Variants in SKOR1 observed in about 807,000 individuals in gnomAD.
SKOR1 encodes the protein LBX1 corepressor 1.
In SKOR1, 38 loss-of-function variants were observed where a neutral mutation model predicts 72.4. The observed-to-expected ratio is 0.52, with a 90% CI of 0.40 to 0.69. The LOEUF is 0.69. Among genes scored for constraint, SKOR1 ranks in the 30% least tolerant of loss-of-function variants. SKOR1 has a pLI of 0.00. For synonymous variants in SKOR1, 642 were observed against 599.4 expected, an observed-to-expected ratio of 1.07 and a Z score of -1.04; for missense variants, 1,320 against 1,343.2, an observed-to-expected ratio of 0.98 and a Z score of 0.27.
At chr15:67,829,622 G>A (rs932814032) in intron 3 of SKOR1, among the ~76,000 whole-genome samples, 43 of 152,236 alleles carry the variant, frequency 2.8e-4, no homozygotes, top group African/African-American at 9.9e-4. Flanking sequence ...AGGCCGGATC[G>A]GGGCGGAGGA....
At chr15:67,830,571 G>T (rs117343090) in intron 4 of SKOR1, among the ~76,000 whole-genome samples, 1,750 of 152,276 alleles carry the variant, frequency 0.011, 16 homozygotes, top group Non-Finnish European at 0.016. Flanking sequence ...ACATAAAATA[G>T]GTCAAAGGGC....
Position 67,833,204 on chromosome 15 carries a change from A to C in SKOR1, c.2750A>C (p.Asn917Thr), listed in dbSNP as rs756557010. 2.5e-6 allele frequency: 4 copies of C among 1,614,092 alleles called. No homozygotes were observed. Among genetic ancestry groups the C allele is most frequent in the Non-Finnish European group, 3.4e-6 (4 of 1,180,010 alleles). Residue 917 changes from asparagine to threonine, a missense_variant, in exon 8 of 9, where the codon AAC becomes ACC. By Grantham distance (65) the Asn-to-Thr change is moderately conservative. Transcript: ENST00000380035. The surrounding 1 kb of genome is among the most constrained non-coding windows in gnomAD (Gnocchi z 6.0). ...CCTTGTCTTCCAGATACCCTGTGTA[A>C]CGAACTCGACCAGGAGCGGAAGGCG... is the stretch of plus-strand genomic sequence containing the variant. Reference protein sequence around the residue: ...QLQIVRDTLCNELDQERKARY... With the variant: ...QLQIVRDTLCTELDQERKARY...
At chr15:67,829,581 AGT>A (rs917873310) in intron 3 of SKOR1, among the ~76,000 whole-genome samples, 1 of 151,882 alleles carries the variant, frequency 6.6e-6, no homozygotes, top group Non-Finnish European at 1.5e-5. Context: ...TTATTCAGCA[AGT>A]GTGTTTGGCC....
At position 67,825,762 on chromosome 15, in the gene SKOR1, G is replaced by C. The variant is rs561849669; in HGVS notation, c.107+53G>C. 131 of 1,210,384 alleles carry C rather than the reference G, an allele frequency of 1.1e-4. No individual in the cohort carries two copies. The South Asian group carries it at 1.6e-3, about 15-fold the overall frequency. The allele number at this position is 1,210,384 out of a possible 1,614,324, so 75.0% of individuals were successfully genotyped here. A position where few individuals can be genotyped will look rare whatever the true frequency, so the allele number is the denominator to read the frequency against. On this transcript the variant is annotated intron_variant, in intron 1 of 8. Transcript: ENST00000380035. The surrounding 1 kb of genome is among the most constrained non-coding windows in gnomAD (Gnocchi z 5.6). ...AGCCCCGGGGGCTGTTGTTAACGGC[G>C]CCAACATGGGTCTGAGTAACAAAAG...
chr15:67,832,689 G>A lies in SKOR1; in HGVS notation c.2737+8G>A, dbSNP rs749934335. 10 of 1,613,432 alleles carry A rather than the reference G, an allele frequency of 6.2e-6. No individual in the cohort carries two copies. In the South Asian group the frequency reaches 7.7e-5, roughly 12 times the overall value. Reference sequence around the variant, plus strand: ...AGCTGCAAATTGTCAGAGGTAAGACGGGAGTCAGGTGAGCTCGTGCACGGG... The same window carrying A: ...AGCTGCAAATTGTCAGAGGTAAGACAGGAGTCAGGTGAGCTCGTGCACGGG... On this transcript the variant is annotated splice_region_variant and intron_variant, in intron 7 of 8. Coordinates refer to ENST00000380035, the MANE Select transcript of SKOR1 (RefSeq NM_001365915.1). This position sits in a 1 kb window ranked among gnomAD's most constrained non-coding sequence, Gnocchi z 4.5.
Position 67,826,114 on chromosome 15 carries a change from G to A in SKOR1, c.286G>A (p.Glu96Lys). 6.2e-7 allele frequency: 1 copy of A among 1,600,450 alleles called. No individual in the cohort carries two copies. The highest frequency in any genetic ancestry group is 8.5e-7 in the Non-Finnish European group (1 of 1,170,556). ...TGTGTCGCTGGTCATCGACGGCCAG[G>A]AGCGCCTATGCCTGGCGCAGATCTC... ...PIVSLVIDGQ[E>K]RLCLAQISNT... is the part of the protein sequence containing the mutation. Residue 96 changes from glutamate (E) to lysine (K), a missense_variant, in exon 2 of 9, where the codon GAG becomes AAG. Transcript: ENST00000380035.
Position 67,826,912 on chromosome 15 carries a change from G to T in SKOR1, c.1084G>T (p.Gly362Trp). Residue 362 changes from glycine (G) to tryptophan (W), a missense_variant, in exon 2 of 9, where the codon GGG becomes TGG. Physicochemically the swap from Gly to Trp is radical, Grantham distance 184 (BLOSUM62 -2). Transcript: ENST00000380035. ...TGASGPAGPG[G>W]PGGGAGVRSY... ...AGCTAGTGGCCCGGCGGGCCCAGGA[G>T]GGCCCGGTGGCGGCGCCGGCGTACG... is the stretch of plus-strand genomic sequence containing the variant. The T allele has an allele frequency of 6.4e-7, 1 of 1,558,138 alleles. No individual in the cohort carries two copies. The highest frequency in any genetic ancestry group is 8.6e-7 in the Non-Finnish European group (1 of 1,158,932).
At position 67,826,999 on chromosome 15, in the gene SKOR1, C is replaced by G. The variant is rs779534367; in HGVS notation, c.1171C>G (p.Pro391Ala). The G allele has an allele frequency of 6.3e-7, 1 of 1,595,600 alleles. No homozygotes were observed. The highest frequency in any genetic ancestry group is 8.5e-7 in the Non-Finnish European group (1 of 1,178,496). ...TGGGCTCCTGCAAAAGCTGCCCCCA[C>G]CACTTTTCCCCCATCCTTACGGCTT... is the stretch of plus-strand genomic sequence containing the variant. ...GFGLLQKLPP[P>A]LFPHPYGFPT... is the part of the protein sequence containing the mutation. The change falls in exon 2 of 9, where the codon CCA (proline) becomes GCA (alanine). Residue 391 changes from proline (P) to alanine (A), a missense_variant. This residue lies in a region of SKOR1 where 1,099 missense variants were observed against 1,025.5 expected (regional missense o/e 1.07). Transcript: ENST00000380035.
chr15:67,826,716 G>C lies in SKOR1; in HGVS notation c.888G>C (p.Gly296=), dbSNP rs1418932096. 3.9e-6 allele frequency: 6 copies of C among 1,542,010 alleles called. No individual in the cohort carries two copies. In the East Asian group the frequency reaches 1.5e-4, roughly 38 times the overall value. Residue 296 remains glycine, a synonymous_variant, in exon 2 of 9, where the codon GGG becomes GGC. Coordinates refer to ENST00000380035, the MANE Select transcript of SKOR1 (RefSeq NM_001365915.1). ...GGGGANGGSG[G]QGKGGAGGGG... ...GCGGTGCCAATGGCGGGTCGGGTGG[G>C]CAGGGGAAGGGTGGTGCTGGCGGCG...
Position 67,832,508 on chromosome 15 carries a change from G to T in SKOR1, c.2663-99G>T, listed in dbSNP as rs1597020373. On this transcript the variant is annotated intron_variant, in intron 6 of 8. Coordinates refer to ENST00000380035, the MANE Select transcript of SKOR1 (RefSeq NM_001365915.1). The surrounding 1 kb of genome is among the most constrained non-coding windows in gnomAD (Gnocchi z 4.5). ...AGGGCTGCAGGCGAATGGCTGGGTG[G>T]GAGTTGGGGGTAGGGGTGAAAGGGG... is the stretch of plus-strand genomic sequence containing the variant. The T allele has an allele frequency of 1.5e-5, 20 of 1,319,172 alleles. No individual in the cohort carries two copies. Among genetic ancestry groups the T allele is most frequent in the Non-Finnish European group, 2.2e-5 (20 of 928,742 alleles). The allele number at this position is 1,319,172 out of a possible 1,614,324, so 81.7% of individuals were successfully genotyped here. A position where few individuals can be genotyped will look rare whatever the true frequency, so the allele number is the denominator to read the frequency against.
intron 3 of SKOR1, among the ~76,000 whole-genome samples, chr15:67,829,576 C>A (rs992180013): frequency 6.6e-6 from 1 of 152,258 alleles, no homozygotes; most frequent in Non-Finnish European, 1.5e-5. Context: ...CTCATTTATT[C>A]AGCAAGTGTG....
In SKOR1 at chr15:67,833,018, C is replaced by A; in HGVS notation, c.2738-174C>A. The A allele has an allele frequency of 1.5e-6, 1 of 670,014 alleles. No individual in the cohort carries two copies. The highest frequency in any genetic ancestry group is 2.6e-6 in the Non-Finnish European group (1 of 387,690). The allele number at this position is 670,014 out of a possible 1,614,324, so 41.5% of individuals were successfully genotyped here. A position where few individuals can be genotyped will look rare whatever the true frequency, so the allele number is the denominator to read the frequency against. On this transcript the variant is annotated intron_variant, in intron 7 of 8. Coordinates refer to ENST00000380035, the MANE Select transcript of SKOR1 (RefSeq NM_001365915.1). The surrounding 1 kb of genome is among the most constrained non-coding windows in gnomAD (Gnocchi z 6.0). ...ATCTGCCTTTAAGCGCCATCCCAGG[C>A]CATTTCCTTCCTCCGCCAGTCTGCA...
rs756929563 is a variant in SKOR1 at position 67,826,613 on chromosome 15, A to T, written c.785A>T (p.His262Leu). Residue 262 changes from histidine to leucine, a missense_variant, in exon 2 of 9, where the codon CAT becomes CTT. Transcript: ENST00000380035. ...SDKSATDELS[H>L]AWEDVKAMFN... is the part of the protein sequence containing the mutation. ...AAGTCGGCCACAGACGAACTGAGCC[A>T]TGCTTGGGAGGACGTCAAGGCCATG... The T allele has an allele frequency of 6.2e-6, 10 of 1,613,598 alleles. No homozygotes were observed. The highest frequency in any genetic ancestry group is 1.7e-5 in the Admixed American group (1 of 59,964).
chr15:67,832,417 C>G lies in SKOR1; in HGVS notation c.2662+69C>G. The G allele has an allele frequency of 3.2e-6, 5 of 1,557,430 alleles. No homozygotes were observed. The highest frequency in any genetic ancestry group is 4.4e-6 in the Non-Finnish European group (5 of 1,132,144). On this transcript the variant is annotated intron_variant, in intron 6 of 8. Transcript: ENST00000380035. This position sits in a 1 kb window ranked among gnomAD's most constrained non-coding sequence, Gnocchi z 4.5. ...TTCCACCAGGGTGCCCCGACCTACT[C>G]CGAAAGCCGGGTGCCAGGCAACTGG...
chr15:67,832,517 G>T lies in SKOR1; in HGVS notation c.2663-90G>T. 2 of 1,355,832 alleles carry T rather than the reference G, an allele frequency of 1.5e-6. No homozygotes were observed. 84.0% of individuals were successfully genotyped at this position (1,355,832 alleles called of 1,614,324 possible). A position where few individuals can be genotyped will look rare whatever the true frequency, so the allele number is the denominator to read the frequency against. ...GGCGAATGGCTGGGTGGGAGTTGGGGGTAGGGGTGAAAGGGGGGGCCAGGA... is the reference window on the plus strand; with the variant it reads ...GGCGAATGGCTGGGTGGGAGTTGGGTGTAGGGGTGAAAGGGGGGGCCAGGA... On this transcript the variant is annotated intron_variant, in intron 6 of 8. Coordinates refer to ENST00000380035, the MANE Select transcript of SKOR1 (RefSeq NM_001365915.1). This position sits in a 1 kb window ranked among gnomAD's most constrained non-coding sequence, Gnocchi z 4.5.
chr15:67,832,526 G>T lies in SKOR1; in HGVS notation c.2663-81G>T. The T allele has an allele frequency of 7.0e-7, 1 of 1,419,458 alleles. No individual in the cohort carries two copies. The allele number at this position is 1,419,458 out of a possible 1,614,324, so 87.9% of individuals were successfully genotyped here. On this transcript the variant is annotated intron_variant, in intron 6 of 8. Transcript: ENST00000380035. The surrounding 1 kb of genome is among the most constrained non-coding windows in gnomAD (Gnocchi z 4.5). The stretch of plus-strand genomic sequence containing the variant: ...CTGGGTGGGAGTTGGGGGTAGGGGT[G>T]AAAGGGGGGGCCAGGAGTGAGAAAG...
Position 67,832,659 on chromosome 15 carries a change from G to A in SKOR1, c.2715G>A (p.Val905=), listed in dbSNP as rs753422990. The A allele has an allele frequency of 1.9e-6, 3 of 1,614,074 alleles. 1 individual carries two copies. The South Asian group carries it at 3.3e-5, about 18-fold the overall frequency. Residue 905 remains valine, a synonymous_variant, in exon 7 of 9, where the codon GTG becomes GTA. Coordinates refer to ENST00000380035, the MANE Select transcript of SKOR1 (RefSeq NM_001365915.1). This position sits in a 1 kb window ranked among gnomAD's most constrained non-coding sequence, Gnocchi z 4.5. ...AATTGGCTTATCGAGAAGAAATGGTGCAACAGCTGCAAATTGTCAGAGGTA... is the reference window on the plus strand; with the variant it reads ...AATTGGCTTATCGAGAAGAAATGGTACAACAGCTGCAAATTGTCAGAGGTA... ...KRELAYREEM[V]QQLQIVRDTL...
At position 67,832,263 on chromosome 15, in the gene SKOR1, C is replaced by T. The variant is rs200661147; in HGVS notation, c.2588-11C>T. ...CCTCCCACTTTACCTCCCACTTTTC[C>T]CCTTTCACAGAGGAATTGCAAAAAC... On this transcript the variant is annotated splice_polypyrimidine_tract_variant and intron_variant, in intron 5 of 8. Transcript: ENST00000380035. This position sits in a 1 kb window ranked among gnomAD's most constrained non-coding sequence, Gnocchi z 4.5. The T allele has an allele frequency of 1.2e-6, 2 of 1,613,906 alleles. No individual in the cohort carries two copies. The highest frequency in any genetic ancestry group is 3.3e-5 in the Admixed American group (2 of 60,014).
At chr15:67,831,422 C>T (rs1370031670) in intron 5 of SKOR1, among the ~76,000 whole-genome samples, 1 of 152,156 alleles carries the variant, frequency 6.6e-6, no homozygotes, top group Admixed American at 6.5e-5. Flanking sequence ...TACTGCTCAG[C>T]CTGTAAGGAG....
Sources: gnomAD v4.1 joint callset for allele counts (sites outside exome capture counted in the v4.1 genomes callset) on GRCh38, gnomAD v4.1.1 for gene constraint, gnomAD v4.1.1 regional missense constraint, Gnocchi (gnomAD v3.1) non-coding constraint, MANE v1.5 for transcripts, NCBI Gene and HGNC (gene_info 2026-07-23, HGNC 2026-07-21) for gene names.